Variants in BLTP1 observed in about 807,000 individuals in gnomAD.
BLTP1 encodes bridge-like lipid transfer protein family member 1, also known as fragile site-associated protein.
chr4:122,200,166 A>G, the BLTP1 span: 3 of 911,222 alleles, frequency 3.3e-6, no homozygotes, highest in Non-Finnish European at 3.9e-6. Flanking sequence ...TATATAAAAT[A>G]CTATAAATAT....
the BLTP1 span, chr4:122,169,871 G>A: frequency 1.0e-6 from 1 of 985,214 alleles, no homozygotes; most frequent in Middle Eastern, 5.2e-4. Context: ...TGGAATAATG[G>A]AGAATACATA....
chr4:122,302,210 A>C, the BLTP1 span: 1 of 929,826 alleles, frequency 1.1e-6, no homozygotes, highest in African/African-American at 1.8e-5. Flanking sequence ...TAAAATATCA[A>C]AATGAAACAT....
the BLTP1 span, chr4:122,279,924 G>T: frequency 6.2e-7 from 1 of 1,614,104 alleles, no homozygotes; most frequent in Non-Finnish European, 8.5e-7. Context: ...ATGATGGTTC[G>T]AAGTTCTCAC....
At chr4:122,176,806 C>T in the BLTP1 span, among the ~76,000 whole-genome samples, 5 of 152,184 alleles carry the variant, frequency 3.3e-5, no homozygotes, top group Non-Finnish European at 7.4e-5. Context: ...TGTGTTCCCT[C>T]CTGTTTCCTC....
chr4:122,229,296 C>G, the BLTP1 span: 1 of 1,340,680 alleles, frequency 7.5e-7, no homozygotes, highest in Non-Finnish European at 1.0e-6. Context: ...AACCAAACCT[C>G]TATTTCTTGA....
At chr4:122,244,088 T>C in the BLTP1 span, 25 of 1,477,574 alleles carry the variant, frequency 1.7e-5, no homozygotes, top group Non-Finnish European at 2.2e-5. Flanking sequence ...TGTGATATGA[T>C]AAGTATATGT....
the BLTP1 span, among the ~76,000 whole-genome samples, chr4:122,313,203 G>A: frequency 3.3e-5 from 5 of 152,096 alleles, no homozygotes; most frequent in African/African-American, 1.2e-4. Context: ...CTGACCTAAT[G>A]TGGCAGCTCT....
At chr4:122,275,422 C>G in the BLTP1 span, among the ~76,000 whole-genome samples, 1 of 152,058 alleles carries the variant, frequency 6.6e-6, no homozygotes, top group East Asian at 1.9e-4. Context: ...TATAATGCTT[C>G]TACTGAAAGT....
the BLTP1 span, among the ~76,000 whole-genome samples, chr4:122,338,433 C>T: frequency 2.0e-5 from 3 of 152,034 alleles, no homozygotes; most frequent in Non-Finnish European, 4.4e-5. Context: ...CATAATTGTA[C>T]CACTGCAGTC....
chr4:122,287,564 C>CAAAAACTGTTGCAACTTTATGAAAAA, the BLTP1 span: 1 of 985,316 alleles, frequency 1.0e-6, no homozygotes, highest in African/African-American at 1.7e-5. Context: ...GTCAGTTTGT[C>CAAAAACTGTTGCAACTTTATGAAAAA]AAAAACTGTT....
the BLTP1 span, among the ~76,000 whole-genome samples, chr4:122,228,127 A>T: frequency 6.6e-6 from 1 of 151,890 alleles, no homozygotes; most frequent in Non-Finnish European, 1.5e-5. Context: ...GTTAGCCAGG[A>T]TGGTCTTGAT....
the BLTP1 span, among the ~76,000 whole-genome samples, chr4:122,184,061 A>G: frequency 1.3e-5 from 2 of 152,330 alleles, no homozygotes; most frequent in African/African-American, 4.8e-5. Flanking sequence ...AGAGCAAATC[A>G]TCTAACAAAT....
chr4:122,284,099 C>G, the BLTP1 span, among the ~76,000 whole-genome samples: 1 of 152,076 alleles, frequency 6.6e-6, no homozygotes, highest in Admixed American at 6.6e-5. Flanking sequence ...CAAATGTTAT[C>G]TTTTGTAAAA....
At chr4:122,344,032 T>C in the BLTP1 span, 2 of 967,560 alleles carry the variant, frequency 2.1e-6, no homozygotes, top group East Asian at 1.1e-4. Flanking sequence ...AATTTCATTG[T>C]CACTTTGAAG....
the BLTP1 span, chr4:122,173,067 C>T: frequency 6.2e-7 from 1 of 1,612,568 alleles, no homozygotes; most frequent in South Asian, 1.1e-5. Flanking sequence ...GGATTATTTA[C>T]CTCACATATT....
the BLTP1 span, among the ~76,000 whole-genome samples, chr4:122,354,836 T>C: frequency 6.6e-6 from 1 of 151,936 alleles, no homozygotes; most frequent in Non-Finnish European, 1.5e-5. Flanking sequence ...CCGGCTAATT[T>C]TTGTATTTTT....
At chr4:122,325,370 C>T in the BLTP1 span, 5 of 1,539,474 alleles carry the variant, frequency 3.2e-6, no homozygotes, top group East Asian at 9.2e-5. Flanking sequence ...GTAGTTTTTA[C>T]AAATTACAAA....
At chr4:122,337,241 C>G in the BLTP1 span, 1 of 515,648 alleles carries the variant, frequency 1.9e-6, no homozygotes, top group Non-Finnish European at 3.4e-6. Flanking sequence ...TTCTGATTAA[C>G]CCATCACAAA....
chr4:122,353,350 T>G, the BLTP1 span: 1 of 591,572 alleles, frequency 1.7e-6, no homozygotes, highest in African/African-American at 2.0e-5. The surrounding 1 kb of genome is among the most constrained non-coding windows in gnomAD (Gnocchi z 4.3). Context: ...CCATGTTTCT[T>G]ACTTAGGCAA....
Sources: allele counts gnomAD v4.1 joint callset (sites outside exome capture counted in the v4.1 genomes callset), GRCh38; gene constraint gnomAD v4.1.1; non-coding constraint Gnocchi (gnomAD v3.1); transcripts MANE v1.5; gene names NCBI Gene and HGNC (gene_info 2026-07-23, HGNC 2026-07-21).